CACUL1: variants seen among roughly 807,000 people sequenced by gnomAD.
The protein encoded by CACUL1 is CDK2-associated and cullin domain-containing protein 1.
Under a neutral mutation model 45.2 loss-of-function variants are expected in CACUL1, and 13 were observed. The observed-to-expected ratio is 0.29, with a 90% confidence interval of 0.19 to 0.46. The LOEUF is 0.46. Among genes scored for constraint, CACUL1 ranks in the 20% least tolerant of loss-of-function variants. The pLI, the probability that CACUL1 is intolerant of heterozygous loss-of-function variation, is 1.00. For missense variants in CACUL1, 421 were observed against 471.4 expected (o/e 0.89, Z 0.99); for synonymous variants, 197 against 174.2 (o/e 1.13, Z -1.03).
intron 1 of CACUL1, among the ~76,000 whole-genome samples, chr10:118,750,265 G>A (rs139129770): frequency 5.3e-5 from 8 of 152,162 alleles, no homozygotes; most frequent in African/African-American, 1.9e-4. Flanking sequence ...GGCGGAGATT[G>A]CAGTGAGCTA....
chr10:118,686,158 TGAC>T lies in CACUL1; in HGVS notation c.1077_1079del (p.Ser360del). On this transcript the variant is annotated inframe_deletion, in exon 9 of 9. Transcript: ENST00000369151. ...TGTACCCCCTGGAACTTGCACATGC[TGAC>T]GAGCTATCTGAAAAAACATCAGAAT... 1 of 1,612,848 alleles carries T rather than the reference TGAC, an allele frequency of 6.2e-7. No individual in the cohort carries two copies. The highest frequency in any genetic ancestry group is 8.5e-7 in the Non-Finnish European group (1 of 1,178,938).
In CACUL1 at chr10:118,750,304, G is replaced by A. The variant is rs191786468; in HGVS notation, c.367+4092C>T. On this transcript the variant is annotated intron_variant, in intron 1 of 8. Transcript: ENST00000369151. Reference sequence around the variant, plus strand: ...CTGCACCACGGCACTCCAGCCTGGCGACAGAGCGAGACTGTCTCAAAAAAA... The same window carrying A: ...CTGCACCACGGCACTCCAGCCTGGCAACAGAGCGAGACTGTCTCAAAAAAA... Among the ~76,000 whole-genome samples, 587 of 151,158 alleles carry A rather than the reference G, an allele frequency of 3.9e-3. 5 individuals are homozygous for A. The highest frequency in any genetic ancestry group is 0.012 in the African/African-American group (484 of 40,954).
chr10:118,745,520 C>T (rs1228183892), intron 1 of CACUL1, among the ~76,000 whole-genome samples: 1 of 151,752 alleles, frequency 6.6e-6, no homozygotes, highest in East Asian at 1.9e-4. Flanking sequence ...GAGATCGTGC[C>T]ACTGCACTCC....
intron 3 of CACUL1, among the ~76,000 whole-genome samples, chr10:118,711,801 T>C (rs1385107263): frequency 1.3e-5 from 2 of 152,192 alleles, no homozygotes; most frequent in African/African-American, 4.8e-5. Flanking sequence ...AGTAAAAAAG[T>C]ATATTTCATG....
chr10:118,746,116 C>A (rs1279044407), intron 1 of CACUL1, among the ~76,000 whole-genome samples: 1 of 144,038 alleles, frequency 6.9e-6, no homozygotes, highest in Non-Finnish European at 1.5e-5. Flanking sequence ...CGCACCACTG[C>A]ACTCCAGCCT....
chr10:118,754,466 G>C lies in CACUL1; in HGVS notation c.297C>G (p.Ala99=). The part of the protein sequence containing the change: ...MMLKSCDAAA[A]VAKAAPAPTA... ...TGGGGGCGGGGGCCGCCTTGGCCAC[G>C]GCGGCGGCCGCGTCGCAGCTCTTCA... Residue 99 remains alanine, a synonymous_variant, in exon 1 of 9, where the codon GCC becomes GCG. Transcript: ENST00000369151. 1.2e-6 allele frequency: 2 copies of C among 1,606,950 alleles called. No individual in the cohort carries two copies. Among genetic ancestry groups the C allele is most frequent in the Non-Finnish European group, 8.5e-7 (1 of 1,177,204 alleles).
At position 118,726,214 on chromosome 10, in the gene CACUL1, T is replaced by C; in HGVS notation, c.597+3081A>G. ...TCCCCATGAAAACTGCCTTAAGGTC[T>C]CTATAAAATAAAGATTACATCAGGC... On this transcript the variant is annotated intron_variant, in intron 3 of 8. Transcript: ENST00000369151. 4 of 802,072 alleles carry C rather than the reference T, an allele frequency of 5.0e-6. No individual in the cohort carries two copies. In the East Asian group the frequency reaches 2.5e-4, roughly 51 times the overall value. 49.7% of individuals were successfully genotyped at this position (802,072 alleles called of 1,614,324 possible). A position where few individuals can be genotyped will look rare whatever the true frequency, so the allele number is the denominator to read the frequency against.
chr10:118,741,317 G>T (rs901515339), intron 1 of CACUL1, among the ~76,000 whole-genome samples: 1 of 152,092 alleles, frequency 6.6e-6, no homozygotes, highest in South Asian at 2.1e-4. Context: ...CAAATCTATT[G>T]AAATTAAATT....
chr10:118,704,214 G>GA (rs563822145), intron 4 of CACUL1, among the ~76,000 whole-genome samples: 3,087 of 129,470 alleles, frequency 0.024, 46 homozygotes, highest in Middle Eastern at 0.034. Flanking sequence ...CATCGCTACT[G>GA]AAAAAAAAAA....
At chr10:118,741,971 C>T (rs1391344246) in intron 1 of CACUL1, among the ~76,000 whole-genome samples, 1 of 152,174 alleles carries the variant, frequency 6.6e-6, no homozygotes, top group Admixed American at 6.5e-5. Flanking sequence ...CCATCCCCAC[C>T]CCCTATCCTC....
intron 7 of CACUL1, 125 bp from the exon 8 acceptor site, chr10:118,686,766 A>G: frequency 2.9e-6 from 2 of 697,844 alleles, no homozygotes; most frequent in Non-Finnish European, 5.1e-6. Context: ...TTAAAAATAC[A>G]TATTAAACAT....
intron 3 of CACUL1, among the ~76,000 whole-genome samples, chr10:118,725,562 TC>T (rs1370275725): frequency 4.6e-5 from 7 of 152,308 alleles, no homozygotes; most frequent in African/African-American, 1.7e-4. Context: ...TTTTGAACAA[TC>T]CAGCAGTAAG....
At chr10:118,726,955 C>A (rs1450150347) in intron 3 of CACUL1, among the ~76,000 whole-genome samples, 1 of 152,110 alleles carries the variant, frequency 6.6e-6, no homozygotes, top group Non-Finnish European at 1.5e-5. Flanking sequence ...TGGTTACAAT[C>A]GTTATAATCT....
chr10:118,721,405 AACTT>A (rs752673195), intron 3 of CACUL1, among the ~76,000 whole-genome samples: 31 of 152,352 alleles, frequency 2.0e-4, no homozygotes, highest in Middle Eastern at 3.4e-3. Flanking sequence ...TTTGACAGTC[AACTT>A]ACTTATTTTG....
Position 118,701,408 on chromosome 10 carries a change from T to G in CACUL1, c.694A>C (p.Asn232His). The change falls in exon 5 of 9, where the codon AAT becomes CAT. Residue 232 changes from asparagine (N) to histidine (H), a missense_variant and splice_region_variant. Asn to His is a moderately conservative substitution (Grantham distance 68). Transcript: ENST00000369151. The stretch of plus-strand genomic sequence containing the variant: ...AGCTTGGTTTCGATGTAAAACTTAT[T>G]CTGAAAAATAAAATAAAATCTTTTT... Reference protein sequence around the residue: ...QSIVPLFIYMNKFYIETKLNR... With the variant: ...QSIVPLFIYMHKFYIETKLNR... 1 of 1,505,332 alleles carries G rather than the reference T, an allele frequency of 6.6e-7. No homozygotes were observed. The highest frequency in any genetic ancestry group is 9.1e-7 in the Non-Finnish European group (1 of 1,100,458). The allele number at this position is 1,505,332 out of a possible 1,614,324, so 93.2% of individuals were successfully genotyped here.
intron 1 of CACUL1, among the ~76,000 whole-genome samples, chr10:118,753,453 T>TAATA (rs1589623119): frequency 6.6e-6 from 1 of 152,206 alleles, no homozygotes; most frequent in African/African-American, 2.4e-5. Context: ...AACTTGCAGT[T>TAATA]AATAATAGGA....
intron 4 of CACUL1, 24 bp from the exon 5 acceptor site, chr10:118,701,432 T>C: frequency 7.3e-7 from 1 of 1,369,578 alleles, no homozygotes; most frequent in Non-Finnish European, 1.0e-6. Context: ...TAAAATCTTT[T>C]TTTGTGTATT....
intron 3 of CACUL1, among the ~76,000 whole-genome samples, chr10:118,716,597 C>A (rs966635746): frequency 1.4e-5 from 2 of 143,574 alleles, no homozygotes; most frequent in Admixed American, 7.2e-5. Flanking sequence ...TCAGCAACAA[C>A]ACAACCTCTT....
At chr10:118,707,357 A>G (rs1845442103) in intron 4 of CACUL1, 135 bp downstream of exon 4, 2 of 500,538 alleles carry the variant, frequency 4.0e-6, no homozygotes, top group Non-Finnish European at 7.1e-6. Flanking sequence ...ATCGCACATT[A>G]CTGAAATAAC....
Sources: gnomAD v4.1 joint callset for allele counts (sites outside exome capture counted in the v4.1 genomes callset) on GRCh38, gnomAD v4.1.1 for gene constraint, MANE v1.5 for transcripts, NCBI Gene and HGNC (gene_info 2026-07-23, HGNC 2026-07-21) for gene names.